The following CADPS2 variants were observed in gnomAD, a reference collection of about 807,000 sequenced individuals.
CADPS2 encodes the protein calcium dependent secretion activator 2, also known as calcium-dependent secretion activator 2.
CADPS2 carries 93 observed loss-of-function variants against 172.5 expected under a neutral mutation model. That is an observed-to-expected ratio of 0.54 (90% CI 0.46 to 0.64). The LOEUF (loss-of-function observed/expected upper bound fraction) is 0.64, where lower values mean the gene tolerates loss of function less well. CADPS2 is among the 30% of genes least tolerant of loss of function. The pLI is 0.00. For missense variants in CADPS2, 1,420 were observed against 1,565.9 expected, an observed-to-expected ratio of 0.91 and a Z score of 1.57; for synonymous variants, 546 against 555.2, an observed-to-expected ratio of 0.98 and a Z score of 0.23.
chr7:122,860,906 G>A (rs934621735), intron 1 of CADPS2, among the ~76,000 whole-genome samples: 1 of 152,148 alleles, frequency 6.6e-6, no homozygotes, highest in Non-Finnish European at 1.5e-5. Flanking sequence ...ACAAATGACA[G>A]AATTTCATTC....
intron 1 of CADPS2, among the ~76,000 whole-genome samples, chr7:122,761,982 G>A (rs1318529618): frequency 8.1e-6 from 1 of 122,980 alleles, no homozygotes; most frequent in Non-Finnish European, 1.6e-5. Context: ...TGGGTGAAAA[G>A]TGAGACTCTG....
chr7:122,653,296 C>T (rs10243551), intron 3 of CADPS2, among the ~76,000 whole-genome samples: 2,089 of 152,290 alleles, frequency 0.014, 43 homozygotes, highest in African/African-American at 0.046. Flanking sequence ...GACACTGTTA[C>T]AGTTAGGAGA....
At chr7:122,498,949 C>T (rs1452819788) in intron 9 of CADPS2, among the ~76,000 whole-genome samples, 1 of 152,132 alleles carries the variant, frequency 6.6e-6, no homozygotes, top group Non-Finnish European at 1.5e-5. Flanking sequence ...CAAAGCCTAG[C>T]TTAAGGGCTC....
In CADPS2 at chr7:122,593,202, C is replaced by A. The variant is rs559497799; in HGVS notation, c.1224-11912G>T. Among the ~76,000 whole-genome samples, 618 of 150,738 alleles carry A rather than the reference C, an allele frequency of 4.1e-3. 4 individuals carry two copies. The highest frequency in any genetic ancestry group is 0.014 in the African/African-American group (582 of 41,106). On this transcript the variant is annotated intron_variant, in intron 6 of 29. Coordinates refer to ENST00000449022, the MANE Select transcript of CADPS2 (RefSeq NM_017954.11). ...ATACTACTCTATATTTTCAACAAAA[C>A]AAAAAAAATTCTGCATGGCAATATA... is the stretch of plus-strand genomic sequence containing the variant.
At chr7:122,813,119 G>GA (rs1021852836) in intron 1 of CADPS2, among the ~76,000 whole-genome samples, 14 of 151,484 alleles carry the variant, frequency 9.2e-5, no homozygotes, top group East Asian at 7.7e-4. Flanking sequence ...CACAGGTACG[G>GA]AAAAAAAAGT....
chr7:122,679,269 G>T lies in CADPS2; in HGVS notation c.454-15700C>A, dbSNP rs574662139. 4.2e-3 allele frequency among the ~76,000 whole-genome samples: 502 copies of T among 118,596 alleles called. 127 individuals are homozygous for T. The highest frequency in any genetic ancestry group is 0.014 in the African/African-American group (481 of 34,020). The allele number at this position is 118,596 out of a possible 152,430, so 77.8% of individuals were successfully genotyped here. On this transcript the variant is annotated intron_variant, in intron 2 of 29. Transcript: ENST00000449022. ...CCTGGGAAAAGAATGCATTCCTGGGGGGGGGGGGCTCTAAAATGGCCACCC... is the reference window on the plus strand; with the variant it reads ...CCTGGGAAAAGAATGCATTCCTGGGTGGGGGGGGCTCTAAAATGGCCACCC...
At chr7:122,773,765 C>G (rs2093778703) in intron 1 of CADPS2, among the ~76,000 whole-genome samples, 1 of 152,066 alleles carries the variant, frequency 6.6e-6, no homozygotes, top group Admixed American at 6.5e-5. Context: ...TAGCAAACTA[C>G]TTTTCCATAA....
intron 3 of CADPS2, among the ~76,000 whole-genome samples, chr7:122,637,555 T>C (rs2077201858): frequency 6.6e-6 from 1 of 152,182 alleles, no homozygotes; most frequent in African/African-American, 2.4e-5. Context: ...CTTTTAGCTC[T>C]TGGGCTGTTT....
intron 8 of CADPS2, among the ~76,000 whole-genome samples, chr7:122,549,633 T>C (rs2064003565): frequency 6.6e-6 from 1 of 150,592 alleles, no homozygotes; most frequent in African/African-American, 2.4e-5. Context: ...AAAAAAAAGA[T>C]TAGTATTAAT....
Position 122,537,172 on chromosome 7 carries a change from G to GA in CADPS2, c.1475+17377dup, listed in dbSNP as rs1299755578. ...ACACTTGTACTCCAATCTTAAAAGT[G>GA]AAAAAAAAAAGACTTTCAAGAAGCA... On this transcript the variant is annotated intron_variant, in intron 8 of 29. Coordinates refer to ENST00000449022, the MANE Select transcript of CADPS2 (RefSeq NM_017954.11). 3.7e-3 allele frequency among the ~76,000 whole-genome samples: 498 copies of GA among 135,080 alleles called. 4 individuals are homozygous for GA. The highest frequency in any genetic ancestry group is 0.01 in the African/African-American group (379 of 36,748). 88.6% of individuals were successfully genotyped at this position (135,080 alleles called of 152,430 possible).
In CADPS2 at chr7:122,406,174, C is replaced by T. The variant is rs369347476; in HGVS notation, c.2746+1366G>A. Among the ~76,000 whole-genome samples, 43 of 152,240 alleles carry T rather than the reference C, an allele frequency of 2.8e-4. No individual in the cohort carries two copies. In the South Asian group the frequency reaches 6.2e-3, roughly 22 times the overall value. Reference sequence around the variant, plus strand: ...TCATGTCTATGTGATTTCCCCCCCACCAGTTTTATCACAGACTCAAAGAGG... The same window carrying T: ...TCATGTCTATGTGATTTCCCCCCCATCAGTTTTATCACAGACTCAAAGAGG... On this transcript the variant is annotated intron_variant, in intron 20 of 29. Transcript: ENST00000449022.
chr7:122,850,783 C>T (rs546834764), intron 1 of CADPS2, among the ~76,000 whole-genome samples: 6 of 152,316 alleles, frequency 3.9e-5, no homozygotes, highest in South Asian at 2.1e-4. Flanking sequence ...GGATTCATTA[C>T]ACCTTGATCA....
chr7:122,555,151 G>C (rs1042455476), intron 7 of CADPS2, among the ~76,000 whole-genome samples: 4 of 152,048 alleles, frequency 2.6e-5, no homozygotes, highest in African/African-American at 9.7e-5. Context: ...TAGTATAAAA[G>C]GAAATCAACT....
intron 1 of CADPS2, among the ~76,000 whole-genome samples, chr7:122,773,311 C>T (rs2093761977): frequency 6.6e-6 from 1 of 151,900 alleles, no homozygotes; most frequent in Non-Finnish European, 1.5e-5. Flanking sequence ...ACTGTTTATA[C>T]TACTTAAATC....
At chr7:122,817,587 C>T (rs960593057) in intron 1 of CADPS2, among the ~76,000 whole-genome samples, 2 of 152,088 alleles carry the variant, frequency 1.3e-5, no homozygotes, top group African/African-American at 4.8e-5. Context: ...TGTCAGACCA[C>T]CCAGGGATGC....
chr7:122,340,927 A>G (rs1822518), intron 28 of CADPS2, among the ~76,000 whole-genome samples: 32,019 of 151,466 alleles, frequency 0.21, 3,907 homozygotes, highest in East Asian at 0.45. Flanking sequence ...CTTTTGGTAT[A>G]TTCATGATCT....
intron 4 of CADPS2, among the ~76,000 whole-genome samples, chr7:122,626,661 T>A (rs905254155): frequency 1.4e-4 from 21 of 152,180 alleles, no homozygotes; most frequent in African/African-American, 4.8e-4. Context: ...AAATAAAATG[T>A]AAGCTCCACC....
In CADPS2 at chr7:122,742,420, GC is replaced by G. The variant is rs2092532397; in HGVS notation, c.340-5353del. On this transcript the variant is annotated intron_variant, in intron 1 of 29. Coordinates refer to ENST00000449022, the MANE Select transcript of CADPS2 (RefSeq NM_017954.11). ...AAAAAAATTAATTAAAATATATAATGCCCTTTGATATAAAAATTCAAAAGGA... is the reference window on the plus strand; with the variant it reads ...AAAAAAATTAATTAAAATATATAATGCCTTTGATATAAAAATTCAAAAGGA... 2.0e-5 allele frequency among the ~76,000 whole-genome samples: 3 copies of G among 151,868 alleles called. No individual in the cohort carries two copies. In the East Asian group the frequency reaches 5.8e-4, roughly 29 times the overall value.
intron 8 of CADPS2, among the ~76,000 whole-genome samples, chr7:122,532,310 T>C (rs1183710201): frequency 6.6e-6 from 1 of 152,158 alleles, no homozygotes; most frequent in Non-Finnish European, 1.5e-5. Flanking sequence ...GCTCATCTAT[T>C]TATCTATTGC....
Sources: allele counts gnomAD v4.1 joint callset (sites outside exome capture counted in the v4.1 genomes callset), GRCh38; gene constraint gnomAD v4.1.1; transcripts MANE v1.5; gene names NCBI Gene and HGNC (gene_info 2026-07-23, HGNC 2026-07-21).